Variants in FBXW7 observed in about 807,000 individuals in gnomAD.
FBXW7 encodes the protein F-box/WD repeat-containing protein 7.
FBXW7 carries 11 observed loss-of-function variants against 86.3 expected under a neutral mutation model. The ratio of observed to expected loss-of-function variants is 0.13; its 90% CI spans 0.08 to 0.21. The LOEUF is 0.21. Ranked by LOEUF, FBXW7 falls within the 10% of genes least tolerant of loss-of-function variation. The pLI is 1.00. For missense variants in FBXW7, 488 were observed against 847.4 expected (o/e 0.58, Z 5.27); for synonymous variants, 313 against 297.9 (o/e 1.05, Z -0.52).
intron 4 of FBXW7, among the ~76,000 whole-genome samples, chr4:152,375,469 C>T (rs1734417393): frequency 6.6e-6 from 1 of 151,894 alleles, no homozygotes; most frequent in Non-Finnish European, 1.5e-5. Context: ...AAGAAAATTA[C>T]AGTTGAAAAT....
rs1734538324 is a variant in FBXW7 at position 152,376,562 on chromosome 4, G to A, written c.502-26438C>T. 2.0e-5 allele frequency among the ~76,000 whole-genome samples: 3 copies of A among 151,974 alleles called. No individual in the cohort carries two copies. The South Asian group carries it at 6.2e-4, about 32-fold the overall frequency. On this transcript the variant is annotated intron_variant, in intron 4 of 13. Coordinates refer to ENST00000281708, the MANE Select transcript of FBXW7 (RefSeq NM_001349798.2). Reference sequence around the variant, plus strand: ...TACAAAAACAACAAATTAGGTTATGGACTAATTTGTTATGAGAATGAGAAG... The same window carrying A: ...TACAAAAACAACAAATTAGGTTATGAACTAATTTGTTATGAGAATGAGAAG...
At chr4:152,356,104 G>T in intron 4 of FBXW7, among the ~76,000 whole-genome samples, 1 of 152,176 alleles carries the variant, frequency 6.6e-6, no homozygotes, top group Middle Eastern at 3.4e-3. Context: ...ACTCTCAAGA[G>T]TTCATTATTT....
chr4:152,400,182 T>G (rs79640138), intron 4 of FBXW7, among the ~76,000 whole-genome samples: 2,086 of 152,300 alleles, frequency 0.014, 26 homozygotes, highest in Middle Eastern at 0.037. Flanking sequence ...CAGTACAATG[T>G]AGAAAAGCTA....
chr4:152,445,910 TAA>T (rs11457603), intron 2 of FBXW7, among the ~76,000 whole-genome samples: 38 of 100,658 alleles, frequency 3.8e-4, no homozygotes, highest in African/African-American at 1.0e-3. Context: ...ACTCTGTCTT[TAA>T]AAAAAAAAAA....
chr4:152,464,926 C>T (rs1418045488), intron 2 of FBXW7, among the ~76,000 whole-genome samples: 3 of 152,180 alleles, frequency 2.0e-5, no homozygotes, highest in Non-Finnish European at 1.5e-5. Flanking sequence ...GATTTGCAGA[C>T]ATTTGTGCAA....
chr4:152,525,278 C>G (rs1013864701), intron 2 of FBXW7, among the ~76,000 whole-genome samples: 1 of 152,174 alleles, frequency 6.6e-6, no homozygotes, highest in African/African-American at 2.4e-5. Context: ...GGAGAAGTCA[C>G]AGCTAGCAAG....
intron 2 of FBXW7, among the ~76,000 whole-genome samples, chr4:152,428,126 G>A (rs2126938656): frequency 6.6e-6 from 1 of 152,278 alleles, no homozygotes; most frequent in South Asian, 2.1e-4. Context: ...CCCAAAATGA[G>A]TCAAGATTTG....
At chr4:152,430,068 A>T (rs973804047) in intron 2 of FBXW7, among the ~76,000 whole-genome samples, 1 of 152,218 alleles carries the variant, frequency 6.6e-6, no homozygotes, top group South Asian at 2.1e-4. Flanking sequence ...ACCAGAATGA[A>T]GGAAACCTTT....
intron 2 of FBXW7, among the ~76,000 whole-genome samples, chr4:152,436,424 G>A (rs1740389436): frequency 2.0e-5 from 3 of 152,220 alleles, no homozygotes; most frequent in Admixed American, 6.5e-5. Flanking sequence ...CTTAAAAAAA[G>A]AAGCTGTCTT....
chr4:152,471,553 G>T (rs1743971282), intron 2 of FBXW7, among the ~76,000 whole-genome samples: 1 of 150,882 alleles, frequency 6.6e-6, no homozygotes. Context: ...GAAGGAAGGA[G>T]AGAGAAAGGA....
At chr4:152,435,998 C>T (rs1189198231) in intron 2 of FBXW7, among the ~76,000 whole-genome samples, 2 of 152,166 alleles carry the variant, frequency 1.3e-5, no homozygotes, top group African/African-American at 2.4e-5. Flanking sequence ...CTGACTACTA[C>T]ACCAACCAGC....
rs995600170 is a variant in FBXW7 at position 152,535,312 on chromosome 4, A to C, written c.-398T>G. 46 of 281,286 alleles carry C rather than the reference A, an allele frequency of 1.6e-4. No individual in the cohort carries two copies. The highest frequency in any genetic ancestry group is 2.1e-4 in the Admixed American group (4 of 18,932). The allele number at this position is 281,286 out of a possible 1,614,324, so 17.4% of individuals were successfully genotyped here. A position where few individuals can be genotyped will look rare whatever the true frequency, so the allele number is the denominator to read the frequency against. ...GCCGCCCTCGGGACTGGGGCGGGGG[A>C]GGGGGGCTCTAGGAACTCCTCCCGG... On this transcript the variant is annotated 5_prime_UTR_variant, in exon 1 of 14. Coordinates refer to ENST00000281708, the MANE Select transcript of FBXW7 (RefSeq NM_001349798.2).
chr4:152,455,710 G>A (rs1275514889), intron 2 of FBXW7, among the ~76,000 whole-genome samples: 1 of 152,098 alleles, frequency 6.6e-6, no homozygotes, highest in Non-Finnish European at 1.5e-5. Context: ...CTATAAACTT[G>A]GTGTAAAGCA....
chr4:152,529,206 G>A (rs1321267746), intron 2 of FBXW7, among the ~76,000 whole-genome samples: 3 of 151,774 alleles, frequency 2.0e-5, no homozygotes, highest in Non-Finnish European at 2.9e-5. Context: ...CCTTAGGCTT[G>A]GGACAATGAT....
intron 4 of FBXW7, among the ~76,000 whole-genome samples, chr4:152,350,514 T>C (rs1451085076): frequency 6.6e-6 from 1 of 151,818 alleles, no homozygotes; most frequent in Non-Finnish European, 1.5e-5. Context: ...TCATTTTTCT[T>C]TAAAAACATG....
chr4:152,534,880 G>A (rs550645453), intron 2 of FBXW7, 61 bp downstream of exon 2: 1 of 152,354 alleles, frequency 6.6e-6, no homozygotes, highest in Non-Finnish European at 1.5e-5. Flanking sequence ...AAAACTCCAG[G>A]AGGAAGCGCC....
At chr4:152,528,328 G>C (rs1359430104) in intron 2 of FBXW7, among the ~76,000 whole-genome samples, 2 of 152,188 alleles carry the variant, frequency 1.3e-5, no homozygotes, top group Non-Finnish European at 2.9e-5. Context: ...CTGTCCCTTA[G>C]GTCTGATGGG....
At chr4:152,460,979 T>A (rs540990868) in intron 2 of FBXW7, among the ~76,000 whole-genome samples, 144 of 152,316 alleles carry the variant, frequency 9.5e-4, no homozygotes, top group African/African-American at 3.3e-3. Flanking sequence ...TTTTGCCATC[T>A]CCAAACAACT....
rs1423314791 is a variant in FBXW7 at position 152,432,236 on chromosome 4, G to GA, written c.-119-19708dup. Reference sequence around the variant, plus strand: ...AACTGTCACCTTGCCTGTTGAAATGGAAAAAAATCAGTATTCTAGGCCTCT... The same window carrying GA: ...AACTGTCACCTTGCCTGTTGAAATGGAAAAAAAATCAGTATTCTAGGCCTCT... On this transcript the variant is annotated intron_variant, in intron 2 of 13. Coordinates refer to ENST00000281708, the MANE Select transcript of FBXW7 (RefSeq NM_001349798.2). Among the ~76,000 whole-genome samples, 3 of 152,192 alleles carry GA rather than the reference G, an allele frequency of 2.0e-5. No individual in the cohort carries two copies. The East Asian group carries it at 5.8e-4, about 29-fold the overall frequency.
Sources: gnomAD v4.1 joint callset for allele counts (sites outside exome capture counted in the v4.1 genomes callset) on GRCh38, gnomAD v4.1.1 for gene constraint, MANE v1.5 for transcripts, NCBI Gene and HGNC (gene_info 2026-07-23, HGNC 2026-07-21) for gene names.